IQCJ: variants seen among roughly 807,000 people sequenced by gnomAD.
The protein encoded by IQCJ is IQ motif containing J.
IQCJ carries 9 observed loss-of-function variants against 11.0 expected under a neutral mutation model. The ratio of observed to expected loss-of-function variants is 0.82; its 90% CI spans 0.49 to 1.43. The LOEUF (loss-of-function observed/expected upper bound fraction) is 1.43, where lower values mean the gene tolerates loss of function less well. Among genes scored for constraint, IQCJ ranks in the 40% most tolerant of loss-of-function variants. The probability of loss-of-function intolerance (pLI) is 0.00; values close to 1 mark genes in which losing one functional copy is unlikely to be tolerated. For synonymous variants in IQCJ, 55 were observed against 51.3 expected (o/e 1.07, Z -0.31); for missense variants, 146 against 133.2 (o/e 1.10, Z -0.47).
intron 1 of IQCJ, among the ~76,000 whole-genome samples, chr3:159,090,007 A>C (rs61205563): frequency 0.017 from 2,637 of 151,634 alleles, 132 homozygotes; most frequent in African/African-American, 0.062. Flanking sequence ...TGCTTTTTAG[A>C]GTTTCCAGTT....
At position 159,181,754 on chromosome 3, in the gene IQCJ, C is replaced by T. The variant is rs137888331; in HGVS notation, c.10-64089C>T. On this transcript the variant is annotated intron_variant, in intron 1 of 3. Transcript: ENST00000397832. ...CAAGTTGTGTTGACTTTCTCTTTTC[C>T]ACCTCTCTAATCTGTCCAATTCTGT... Among the ~76,000 whole-genome samples the T allele has an allele frequency of 1.4e-3, 214 of 151,784 alleles. 3 individuals are homozygous for T. The highest frequency in any genetic ancestry group is 5.1e-3 in the African/African-American group (209 of 41,188).
chr3:159,264,125 T>C (rs1728371838), downstream of IQCJ, among the ~76,000 whole-genome samples: 1 of 152,234 alleles, frequency 6.6e-6, no homozygotes. Context: ...ACTTTGTGAG[T>C]TAAATGTTTG....
chr3:159,100,161 C>T (rs1170128490), intron 1 of IQCJ, among the ~76,000 whole-genome samples: 1 of 13,518 alleles, frequency 7.4e-5, no homozygotes, highest in Non-Finnish European at 1.4e-4. Context: ...TTGATTGCAT[C>T]GGCTCCTGAG....
At chr3:159,215,746 T>C (rs989241227) in intron 1 of IQCJ, among the ~76,000 whole-genome samples, 2 of 152,084 alleles carry the variant, frequency 1.3e-5, no homozygotes, top group Admixed American at 6.5e-5. Context: ...ACTTGAAAAA[T>C]AGCTCAAAGG....
intron 1 of IQCJ, among the ~76,000 whole-genome samples, chr3:159,122,113 T>G (rs1719413670): frequency 6.6e-6 from 1 of 152,108 alleles, no homozygotes; most frequent in East Asian, 1.9e-4. Flanking sequence ...TTTATTGGCT[T>G]TTTATTGGTT....
At chr3:159,221,719 GT>G (rs1286194564) in intron 1 of IQCJ, among the ~76,000 whole-genome samples, 2 of 151,856 alleles carry the variant, frequency 1.3e-5, no homozygotes, top group Non-Finnish European at 2.9e-5. Context: ...TACCAGTGCA[GT>G]TTTAAAAAGC....
intron 3 of IQCJ, among the ~76,000 whole-genome samples, 196 bp from the exon 4 acceptor site, chr3:159,262,352 G>A (rs767511205): frequency 3.3e-5 from 5 of 152,196 alleles, no homozygotes; most frequent in Non-Finnish European, 5.9e-5. Context: ...AACCAGTAAG[G>A]TAGGGAGACA....
chr3:159,086,381 G>T (rs1352126316), intron 1 of IQCJ, among the ~76,000 whole-genome samples: 1 of 152,114 alleles, frequency 6.6e-6, no homozygotes, highest in Non-Finnish European at 1.5e-5. Context: ...TTTGGCTTAG[G>T]ATTGACTTGG....
intron 2 of IQCJ, among the ~76,000 whole-genome samples, chr3:159,247,749 G>A (rs987536902): frequency 2.0e-5 from 3 of 152,290 alleles, no homozygotes; most frequent in East Asian, 1.9e-4. Flanking sequence ...TAGCTTGTTT[G>A]GGGGAGAAGG....
intron 2 of IQCJ, among the ~76,000 whole-genome samples, chr3:159,247,470 T>C (rs1727340378): frequency 6.6e-6 from 1 of 152,128 alleles, no homozygotes; most frequent in Non-Finnish European, 1.5e-5. Context: ...TAATAGTTAG[T>C]TTTGATGAAG....
In IQCJ at chr3:159,257,658, T is replaced by A. The variant is rs1039136263; in HGVS notation, c.155+4851T>A. On this transcript the variant is annotated intron_variant, in intron 3 of 3. Transcript: ENST00000397832. ...GGCCCCGTATTGACATTTGAACAAG[T>A]TTGTATCAGGATACAGGGTTGGGAT... Among the ~76,000 whole-genome samples the A allele has an allele frequency of 2.0e-5, 3 of 152,170 alleles. No individual in the cohort carries two copies. The East Asian group carries it at 5.8e-4, about 29-fold the overall frequency.
intron 1 of IQCJ, among the ~76,000 whole-genome samples, chr3:159,192,206 G>A (rs567402166): frequency 2.6e-5 from 4 of 152,096 alleles, no homozygotes; most frequent in African/African-American, 7.2e-5. Flanking sequence ...ACTCTCCCTG[G>A]CATCTCTCTC....
chr3:159,193,121 T>C (rs1723784285), intron 1 of IQCJ, among the ~76,000 whole-genome samples: 1 of 152,140 alleles, frequency 6.6e-6, no homozygotes, highest in African/African-American at 2.4e-5. Flanking sequence ...CATTTGACCT[T>C]CAAAATTGGG....
intron 1 of IQCJ, among the ~76,000 whole-genome samples, chr3:159,076,432 T>G (rs373724498): frequency 6.6e-6 from 1 of 152,108 alleles, no homozygotes; most frequent in African/African-American, 2.4e-5. Context: ...AGCTCCCTGG[T>G]AGGTTCTGTT....
intron 1 of IQCJ, among the ~76,000 whole-genome samples, chr3:159,227,630 A>T (rs557088350): frequency 6.6e-6 from 1 of 152,330 alleles, no homozygotes; most frequent in Non-Finnish European, 1.5e-5. Flanking sequence ...AACAAATATT[A>T]GCTAGACGGA....
intron 1 of IQCJ, among the ~76,000 whole-genome samples, chr3:159,215,966 G>A (rs1253431612): frequency 2.0e-5 from 3 of 151,802 alleles, no homozygotes; most frequent in Admixed American, 2.0e-4. Context: ...ATTATATTAG[G>A]AAATGTCTCA....
rs549191425 is a variant in IQCJ at position 159,188,358 on chromosome 3, C to T, written c.10-57485C>T. 1.1e-4 allele frequency among the ~76,000 whole-genome samples: 16 copies of T among 152,036 alleles called. No individual in the cohort carries two copies. In the East Asian group the frequency reaches 2.1e-3, roughly 20 times the overall value. On this transcript the variant is annotated intron_variant, in intron 1 of 3. Coordinates refer to ENST00000397832, the MANE Select transcript of IQCJ (RefSeq NM_001042706.3). ...CTGGGAGGTGGAGGTTGCAGTGAGC[C>T]GAGATCACGCCATTACACTCCAGCC...
At chr3:159,137,345 A>C (rs980427005) in intron 1 of IQCJ, among the ~76,000 whole-genome samples, 1 of 152,186 alleles carries the variant, frequency 6.6e-6, no homozygotes, top group Non-Finnish European at 1.5e-5. Context: ...AAAATAATGC[A>C]TAAAGCTATT....
In IQCJ at chr3:159,106,046, C is replaced by T. The variant is rs1188805878; in HGVS notation, c.9+36605C>T. 2.6e-5 allele frequency among the ~76,000 whole-genome samples: 4 copies of T among 152,118 alleles called. No individual in the cohort carries two copies. The South Asian group carries it at 6.2e-4, about 24-fold the overall frequency. ...GGTGAGAAGTTGTCAGATCTGGATA[C>T]ATTTCAGAAGTAGAGCAAATAACAT... On this transcript the variant is annotated intron_variant, in intron 1 of 3. Transcript: ENST00000397832.
Sources: gnomAD v4.1 joint callset for allele counts (sites outside exome capture counted in the v4.1 genomes callset) on GRCh38, gnomAD v4.1.1 for gene constraint, MANE v1.5 for transcripts, NCBI Gene and HGNC (gene_info 2026-07-23, HGNC 2026-07-21) for gene names.